FMR1NB: variants seen among roughly 807,000 people sequenced by gnomAD.
The protein encoded by FMR1NB is FMR1 neighbor.
In FMR1NB, 10 loss-of-function variants were observed where a neutral mutation model predicts 16.8. That is an observed-to-expected ratio of 0.60 (90% CI 0.37 to 1.01). FMR1NB has a LOEUF of 1.01. Ranked by LOEUF, FMR1NB falls within the 50% of genes least tolerant of loss-of-function variation. The probability of loss-of-function intolerance (pLI) is 0.01; values close to 1 mark genes in which losing one functional copy is unlikely to be tolerated. For synonymous variants in FMR1NB, 83 were observed against 79.1 expected, an observed-to-expected ratio of 1.05 and a Z score of -0.26; for missense variants, 205 against 204.8, an observed-to-expected ratio of 1.00 and a Z score of 0.00.
intron 4 of FMR1NB, 78 bp from the exon 5 acceptor site, chrX:148,024,787 T>C (rs376673005): frequency 9.0e-7 from 1 of 1,110,028 alleles, no homozygotes; most frequent in Non-Finnish European, 1.2e-6. Flanking sequence ...GGGCAAATAT[T>C]TTTTTCCTTA....
chrX:147,986,456 T>C (rs1315840596), intron 1 of FMR1NB, among the ~76,000 whole-genome samples: 1 of 112,405 alleles, frequency 8.9e-6, no homozygotes, highest in Non-Finnish European at 1.9e-5. Context: ...GTTTTAGGTC[T>C]TATGTTTAAG....
At chrX:147,992,760 G>A (rs1195447678) in intron 1 of FMR1NB, among the ~76,000 whole-genome samples, 27 of 71,405 alleles carry the variant, frequency 3.8e-4, no homozygotes, top group East Asian at 1.8e-3. Flanking sequence ...GGGCAGAGGC[G>A]CTCCTCACAT....
At chrX:147,982,881 G>A (rs1053570264) in intron 1 of FMR1NB, among the ~76,000 whole-genome samples, 10 of 111,735 alleles carry the variant, frequency 8.9e-5, no homozygotes, top group Non-Finnish European at 1.3e-4. Flanking sequence ...GCGACAGAGC[G>A]AGGCTCCATC....
intron 1 of FMR1NB, among the ~76,000 whole-genome samples, chrX:148,000,495 C>T (rs2044565205): frequency 8.9e-6 from 1 of 112,199 alleles, no homozygotes; most frequent in African/African-American, 3.2e-5. Context: ...AATGTTGAAT[C>T]ATGAATCCTA....
At chrX:147,996,668 G>A (rs1049729536) in intron 1 of FMR1NB, among the ~76,000 whole-genome samples, 2 of 111,573 alleles carry the variant, frequency 1.8e-5, no homozygotes, top group Admixed American at 9.6e-5. Flanking sequence ...TCAAAATGGC[G>A]ATAGCAAAAC....
intron 4 of FMR1NB, among the ~76,000 whole-genome samples, chrX:148,017,513 T>C (rs1258184955): frequency 9.0e-6 from 1 of 111,060 alleles, no homozygotes; most frequent in Non-Finnish European, 1.9e-5. Flanking sequence ...AGATTTGTCC[T>C]TTTGAGACTA....
At chrX:147,982,265 G>T (rs1557186643) in intron 1 of FMR1NB, among the ~76,000 whole-genome samples, 1 of 105,624 alleles carries the variant, frequency 9.5e-6, no homozygotes, top group Non-Finnish European at 1.9e-5. Flanking sequence ...ACTCCAGCCT[G>T]GTGAGAGAGC....
At chrX:148,019,840 G>C (rs999450263) in intron 4 of FMR1NB, among the ~76,000 whole-genome samples, 1 of 111,847 alleles carries the variant, frequency 8.9e-6, no homozygotes, top group Non-Finnish European at 1.9e-5. Context: ...CACTGGGACT[G>C]CACTAGGGCA....
chrX:148,018,351 G>A (rs1217667517), intron 4 of FMR1NB, among the ~76,000 whole-genome samples: 10 of 111,738 alleles, frequency 8.9e-5, no homozygotes, highest in Admixed American at 2.8e-4. Context: ...TTTGAGAAGT[G>A]TCTGTTCATG....
At chrX:148,012,733 C>T (rs1414046404) in intron 4 of FMR1NB, among the ~76,000 whole-genome samples, 2 of 111,208 alleles carry the variant, frequency 1.8e-5, no homozygotes, top group African/African-American at 6.5e-5. Flanking sequence ...GTCTTAGTGC[C>T]ACTTATTTTC....
chrX:148,003,328 C>G lies in FMR1NB; in HGVS notation c.397+8C>G. On this transcript the variant is annotated splice_region_variant and intron_variant, in intron 2 of 5. Transcript: ENST00000370467. Reference sequence around the variant, plus strand: ...ATTTTTTCTTTCCAACAAGTAAGTTCTTGTTTGATTTTTTTCCCCCTCTAA... The same window carrying G: ...ATTTTTTCTTTCCAACAAGTAAGTTGTTGTTTGATTTTTTTCCCCCTCTAA... The G allele has an allele frequency of 8.3e-7, 1 of 1,207,203 alleles. No homozygotes were observed. Among genetic ancestry groups the G allele is most frequent in the Non-Finnish European group, 1.1e-6 (1 of 892,941 alleles).
chrX:148,026,013 GA>G (rs1420678173), intron 5 of FMR1NB: 10 of 108,701 alleles, frequency 9.2e-5, no homozygotes, highest in Non-Finnish European at 1.3e-4. Context: ...TATCTCAGAA[GA>G]AAAAAAAGAA....
intron 2 of FMR1NB, 28 bp downstream of exon 2, chrX:148,003,348 C>T: frequency 8.4e-7 from 1 of 1,197,514 alleles, no homozygotes; most frequent in Non-Finnish European, 1.1e-6. Context: ...TTTTTTCCCC[C>T]TCTAATGTTC....
intron 4 of FMR1NB, among the ~76,000 whole-genome samples, chrX:148,014,292 G>GGAAT (rs1357026535): frequency 9.0e-6 from 1 of 111,413 alleles, no homozygotes; most frequent in African/African-American, 3.3e-5. Flanking sequence ...TAGGTAAAGA[G>GGAAT]GAATTAAGGA....
At chrX:147,993,780 C>T (rs1210691586) in intron 1 of FMR1NB, among the ~76,000 whole-genome samples, 1 of 110,077 alleles carries the variant, frequency 9.1e-6, no homozygotes, top group East Asian at 2.9e-4. Flanking sequence ...TCCAAAAGTT[C>T]TTCTCCCCAC....
intron 1 of FMR1NB, among the ~76,000 whole-genome samples, chrX:147,991,513 C>T (rs894673210): frequency 2.3e-4 from 25 of 110,204 alleles, no homozygotes; most frequent in African/African-American, 8.3e-4. Context: ...TTCCTGCTTT[C>T]TTTACCTTCA....
intron 1 of FMR1NB, among the ~76,000 whole-genome samples, chrX:147,992,021 A>G (rs2044508517): frequency 8.9e-6 from 1 of 112,336 alleles, no homozygotes; most frequent in Non-Finnish European, 1.9e-5. Flanking sequence ...AATTTCTCCC[A>G]GTGCAGAACA....
chrX:147,982,405 A>C (rs1196405749), intron 1 of FMR1NB, among the ~76,000 whole-genome samples: 3 of 109,159 alleles, frequency 2.7e-5, no homozygotes, highest in Non-Finnish European at 5.7e-5. Flanking sequence ...CTGGGCAACA[A>C]GGTGAAACCC....
intron 1 of FMR1NB, among the ~76,000 whole-genome samples, chrX:147,991,691 G>A (rs1557187634): frequency 1.1e-5 from 1 of 92,900 alleles, no homozygotes; most frequent in Non-Finnish European, 2.1e-5. Flanking sequence ...GATAATTCTT[G>A]GGTGTTTCTC....
Sources: allele counts gnomAD v4.1 joint callset (sites outside exome capture counted in the v4.1 genomes callset), GRCh38; gene constraint gnomAD v4.1.1; transcripts MANE v1.5; gene names NCBI Gene and HGNC (gene_info 2026-07-23, HGNC 2026-07-21).